PXDNL: variants seen among roughly 807,000 people sequenced by gnomAD.
PXDNL encodes the protein probable oxidoreductase PXDNL.
A neutral mutation model predicts 150.8 loss-of-function variants in PXDNL; 145 were observed. The ratio of observed to expected loss-of-function variants is 0.96; its 90% CI spans 0.84 to 1.10. The LOEUF is 1.10. Ranked by LOEUF, PXDNL falls within the 50% of genes least tolerant of loss-of-function variation. The pLI, the probability that PXDNL is intolerant of heterozygous loss-of-function variation, is 0.00. For missense variants in PXDNL, 2,087 were observed against 1,873.9 expected, an observed-to-expected ratio of 1.11 and a Z score of -2.10; for synonymous variants, 757 against 725.7, an observed-to-expected ratio of 1.04 and a Z score of -0.69.
intron 2 of PXDNL, among the ~76,000 whole-genome samples, chr8:51,600,817 T>C: frequency 7.3e-6 from 1 of 136,756 alleles, no homozygotes; most frequent in East Asian, 2.0e-4. Flanking sequence ...CTTATATAAA[T>C]TATATGGTTT....
intron 16 of PXDNL, among the ~76,000 whole-genome samples, chr8:51,410,273 A>C (rs753728526): frequency 1.3e-5 from 2 of 152,238 alleles, no homozygotes; most frequent in Non-Finnish European, 2.9e-5. Context: ...AACTTCCAGC[A>C]TTCTCCCAGT....
intron 17 of PXDNL, among the ~76,000 whole-genome samples, chr8:51,389,302 G>A (rs1807821653): frequency 6.6e-6 from 1 of 152,156 alleles, no homozygotes; most frequent in South Asian, 2.1e-4. Context: ...GCACCATGAT[G>A]TTTGAGTAAA....
At chr8:51,335,865 T>C (rs1211051581) in intron 21 of PXDNL, among the ~76,000 whole-genome samples, 1 of 152,202 alleles carries the variant, frequency 6.6e-6, no homozygotes, top group Non-Finnish European at 1.5e-5. Context: ...TGGGCCCAAC[T>C]ACTTACACAA....
intron 8 of PXDNL, among the ~76,000 whole-genome samples, chr8:51,468,076 A>T (rs1810241883): frequency 6.6e-6 from 1 of 152,040 alleles, no homozygotes; most frequent in Admixed American, 6.5e-5. Context: ...GAGATTTTGT[A>T]TCTTTGCATG....
intron 1 of PXDNL, among the ~76,000 whole-genome samples, chr8:51,678,755 A>G (rs1815682103): frequency 6.6e-6 from 1 of 152,192 alleles, no homozygotes; most frequent in Non-Finnish European, 1.5e-5. Flanking sequence ...ATTGGGATAT[A>G]TACCTAATGC....
rs1454314709 is a variant in PXDNL at position 51,457,670 on chromosome 8, G to A, written c.813-3C>T. 1.9e-6 allele frequency: 3 copies of A among 1,608,580 alleles called. No individual in the cohort carries two copies. Among genetic ancestry groups the A allele is most frequent in the East Asian group, 2.2e-5 (1 of 44,824 alleles). ...CATCTTCCAAATCCAATGAGTGGCT[G>A]GAAATATAGGTTATACATGTATATT... is the stretch of plus-strand genomic sequence containing the variant. On this transcript the variant is annotated splice_region_variant and splice_polypyrimidine_tract_variant and intron_variant, in intron 8 of 22. Coordinates refer to ENST00000356297, the MANE Select transcript of PXDNL (RefSeq NM_144651.5).
chr8:51,362,601 A>G (rs1354288097), intron 19 of PXDNL, among the ~76,000 whole-genome samples: 2 of 151,906 alleles, frequency 1.3e-5, no homozygotes, highest in African/African-American at 4.8e-5. Context: ...GTTTGAGCTG[A>G]TGATACAATA....
chr8:51,642,996 G>A (rs541229732), intron 2 of PXDNL, among the ~76,000 whole-genome samples: 1 of 152,148 alleles, frequency 6.6e-6, no homozygotes, highest in Non-Finnish European at 1.5e-5. Flanking sequence ...GGATGTGAAG[G>A]ACCTCTTCAA....
At chr8:51,544,686 C>G (rs149369994) in intron 4 of PXDNL, among the ~76,000 whole-genome samples, 1 of 152,250 alleles carries the variant, frequency 6.6e-6, no homozygotes, top group African/African-American at 2.4e-5. Context: ...CCACAACCTA[C>G]TTTTTAGGGT....
At chr8:51,439,918 G>A (rs1312831296) in intron 12 of PXDNL, among the ~76,000 whole-genome samples, 1 of 151,450 alleles carries the variant, frequency 6.6e-6, no homozygotes, top group Non-Finnish European at 1.5e-5. Flanking sequence ...AGAAGTCATT[G>A]CACCAAAAAG....
chr8:51,453,526 A>G lies in PXDNL; in HGVS notation c.1242T>C (p.Ile414=). 5.0e-6 allele frequency: 8 copies of G among 1,614,000 alleles called. No individual in the cohort carries two copies. Among genetic ancestry groups the G allele is most frequent in the Middle Eastern group, 1.6e-4 (1 of 6,062 alleles). The part of the protein sequence containing the change: ...HGTVQAAANI[I]VQAPPQFTVT... The stretch of plus-strand genomic sequence containing the variant: ...GACCTTCTGCTCCCATACCTTGTAC[A>G]ATTATGTTTGCTGCAGCTTGAACAG... The change falls in exon 10 of 23, where the codon ATT becomes ATC. Residue 414 remains isoleucine (I), a synonymous_variant. Transcript: ENST00000356297.
chr8:51,608,836 C>CAAAAAAAAAAA (rs59195880), intron 2 of PXDNL, among the ~76,000 whole-genome samples: 29 of 59,540 alleles, frequency 4.9e-4, no homozygotes, highest in East Asian at 1.1e-3. Context: ...GACTCTGTCT[C>CAAAAAAAAAAA]AAAAAAAAAA....
At position 51,408,398 on chromosome 8, in the gene PXDNL, C is replaced by A; in HGVS notation, c.3226G>T (p.Glu1076Ter). The A allele has an allele frequency of 6.2e-7, 1 of 1,613,990 alleles. No homozygotes were observed. Among genetic ancestry groups the A allele is most frequent in the South Asian group, 1.1e-5 (1 of 91,076 alleles). Reference protein sequence around the residue: ...RLNATLGEISEGHLPFHKALF... With the variant: ...RLNATLGEIS ...GCTTTATGGAACGGAAGGTGGCCTTCGGAAATTTCACCTAAGGTGGCATTC... is the reference window on the plus strand; with the variant it reads ...GCTTTATGGAACGGAAGGTGGCCTTAGGAAATTTCACCTAAGGTGGCATTC... The change falls in exon 17 of 23, where the codon GAA becomes TAA. Residue 1076 changes from glutamate (E) to a stop codon, truncating the protein, a stop_gained. Transcript: ENST00000356297. LOFTEE classifies it high-confidence loss of function.
At chr8:51,372,187 G>T in intron 18 of PXDNL, 106 bp from the exon 19 acceptor site, 1 of 711,680 alleles carries the variant, frequency 1.4e-6, no homozygotes, top group Non-Finnish European at 2.4e-6. Flanking sequence ...CATAAAAGAC[G>T]CATACTGAAA....
chr8:51,715,779 C>T (rs1195851342), intron 1 of PXDNL, among the ~76,000 whole-genome samples: 1 of 152,122 alleles, frequency 6.6e-6, no homozygotes, highest in Non-Finnish European at 1.5e-5. Context: ...GTACAGTAAC[C>T]TAAGGCAGGA....
intron 4 of PXDNL, 137 bp downstream of exon 4, chr8:51,556,703 G>A: frequency 1.6e-6 from 1 of 639,640 alleles, no homozygotes. Context: ...TTATCCAACT[G>A]ATGACAGATA....
chr8:51,440,413 C>T (rs1026338768), intron 12 of PXDNL, among the ~76,000 whole-genome samples: 2 of 150,600 alleles, frequency 1.3e-5, no homozygotes, highest in African/African-American at 4.9e-5. Flanking sequence ...CACCTATTCC[C>T]CCAAAACCTA....
intron 1 of PXDNL, among the ~76,000 whole-genome samples, chr8:51,764,253 C>G (rs779453446): frequency 3.8e-4 from 58 of 152,022 alleles, no homozygotes; most frequent in Middle Eastern, 3.4e-3. Context: ...TTTTAAAGAG[C>G]AAGCTTTTTT....
chr8:51,443,433 T>C (rs1201362982), intron 12 of PXDNL, among the ~76,000 whole-genome samples: 1 of 152,052 alleles, frequency 6.6e-6, no homozygotes, highest in Non-Finnish European at 1.5e-5. Context: ...GCAAAGAAGA[T>C]CAACAGATGA....
Sources: allele counts gnomAD v4.1 joint callset (sites outside exome capture counted in the v4.1 genomes callset), GRCh38; gene constraint gnomAD v4.1.1; transcripts MANE v1.5; gene names NCBI Gene and HGNC (gene_info 2026-07-23, HGNC 2026-07-21).